Variants in MBTPS2 observed in about 807,000 individuals in gnomAD.
The protein encoded by MBTPS2 is membrane-bound transcription factor site-2 protease.
A neutral mutation model predicts 35.4 loss-of-function variants in MBTPS2; 2 were observed. The ratio of observed to expected loss-of-function variants is 0.06; its 90% confidence interval spans 0.02 to 0.18. The LOEUF (loss-of-function observed/expected upper bound fraction) is 0.18. Among genes scored for constraint, MBTPS2 ranks in the 10% least tolerant of loss-of-function variants. The pLI is 1.00. For missense variants in MBTPS2, 244 were observed against 386.5 expected (o/e 0.63, Z 3.09); for synonymous variants, 125 against 140.4 (o/e 0.89, Z 0.77).
At position 21,853,435 on chromosome X, in the gene MBTPS2, T is replaced by C; in HGVS notation, c.602T>C (p.Phe201Ser). Residue 201 changes from phenylalanine (F) to serine (S), a missense_variant, in exon 5 of 11, where the codon TTT becomes TCT. Physicochemically the swap from Phe to Ser is radical, Grantham distance 155. Transcript: ENST00000379484. ...IFLFIIYPGA[F>S]VDLFTTHLQL... Reference sequence around the variant, plus strand: ...CTCTTCATTATTTATCCTGGAGCATTTGTTGATCTGTTCACCACTCATTTG... The same window carrying C: ...CTCTTCATTATTTATCCTGGAGCATCTGTTGATCTGTTCACCACTCATTTG... The C allele has an allele frequency of 8.3e-7, 1 of 1,200,455 alleles. No individual in the cohort carries two copies. Among genetic ancestry groups the C allele is most frequent in the Non-Finnish European group, 1.1e-6 (1 of 885,368 alleles).
intron 7 of MBTPS2, among the ~76,000 whole-genome samples, chrX:21,876,646 G>C (rs991509042): frequency 9.1e-6 from 1 of 110,360 alleles, no homozygotes; most frequent in Non-Finnish European, 1.9e-5. Flanking sequence ...GCCTCTGTTT[G>C]GTTCTTTGCT....
At chrX:21,848,760 C>T (rs1030747701) in intron 3 of MBTPS2, among the ~76,000 whole-genome samples, 10 of 111,611 alleles carry the variant, frequency 9.0e-5, no homozygotes, top group Non-Finnish European at 1.9e-4. Context: ...AGAGAAAGGA[C>T]ACTTGGAATT....
In MBTPS2 at chrX:21,873,687, G is replaced by T. The variant is rs564461655; in HGVS notation, c.970+4009G>T. ...ACATTCCTGTTCAAAGGAGGTGAGGGTTTATGCCCTTACCTGCCTGGCAAC... is the reference window on the plus strand; with the variant it reads ...ACATTCCTGTTCAAAGGAGGTGAGGTTTTATGCCCTTACCTGCCTGGCAAC... On this transcript the variant is annotated intron_variant, in intron 7 of 10. Coordinates refer to ENST00000379484, the MANE Select transcript of MBTPS2 (RefSeq NM_015884.4). Among the ~76,000 whole-genome samples the T allele has an allele frequency of 1.4e-4, 15 of 110,172 alleles. No homozygotes were observed. In the South Asian group the frequency reaches 6.0e-3, roughly 44 times the overall value.
At chrX:21,877,171 A>G (rs547812745) in intron 7 of MBTPS2, among the ~76,000 whole-genome samples, 15 of 112,410 alleles carry the variant, frequency 1.3e-4, no homozygotes, top group African/African-American at 4.8e-4. Context: ...GCCAGGCGCA[A>G]TAGCTCACGC....
Position 21,881,525 on chromosome X carries a change from T to C in MBTPS2, c.1337+553T>C, listed in dbSNP as rs564306006. Among the ~76,000 whole-genome samples, 50 of 112,141 alleles carry C rather than the reference T, an allele frequency of 4.5e-4. 2 individuals are homozygous for C. Among genetic ancestry groups the C allele is most frequent in the East Asian group, 8.3e-4 (3 of 3,597 alleles). On this transcript the variant is annotated intron_variant, in intron 10 of 10. Coordinates refer to ENST00000379484, the MANE Select transcript of MBTPS2 (RefSeq NM_015884.4). ...TATGCAGAATTGAATTACTGGAAAA[T>C]TGTGGAAGAGTTCTTTATTTTTGTC...
Position 21,845,059 on chromosome X carries a change from G to A in MBTPS2, c.225-112G>A, listed in dbSNP as rs1217950068. ...TGTAGGAAAAAGAAGCAGAGTTACTGAAATTTTTTAGCCATTATTTTAAAG... is the reference window on the plus strand; with the variant it reads ...TGTAGGAAAAAGAAGCAGAGTTACTAAAATTTTTTAGCCATTATTTTAAAG... On this transcript the variant is annotated intron_variant, in intron 2 of 10. Coordinates refer to ENST00000379484, the MANE Select transcript of MBTPS2 (RefSeq NM_015884.4). 3 of 1,145,817 alleles carry A rather than the reference G, an allele frequency of 2.6e-6. No individual in the cohort carries two copies. In the East Asian group the frequency reaches 9.1e-5, roughly 35 times the overall value. The allele number at this position is 1,145,817 out of a possible 1,213,427, so 94.4% of individuals were successfully genotyped here.
At chrX:21,843,348 G>A (rs1480688453) in intron 2 of MBTPS2, 30 bp downstream of exon 2, 2 of 1,179,628 alleles carry the variant, frequency 1.7e-6, no homozygotes, top group Non-Finnish European at 2.3e-6. Flanking sequence ...GTTTGGTTTA[G>A]GTTAATCATT....
At chrX:21,848,534 G>C (rs1364547756) in intron 3 of MBTPS2, among the ~76,000 whole-genome samples, 1 of 109,733 alleles carries the variant, frequency 9.1e-6, no homozygotes, top group Non-Finnish European at 1.9e-5. Context: ...ATAAAAATTA[G>C]CCGGGCGTGG....
intron 4 of MBTPS2, among the ~76,000 whole-genome samples, chrX:21,852,017 T>C (rs2092915321): frequency 8.9e-6 from 1 of 112,229 alleles, no homozygotes; most frequent in Non-Finnish European, 1.9e-5. Context: ...TTCCTGCTTC[T>C]GCTTATGTCC....
Position 21,843,207 on chromosome X carries a change from T to G in MBTPS2, c.113T>G (p.Leu38Arg). 1 of 1,210,703 alleles carries G rather than the reference T, an allele frequency of 8.3e-7. No homozygotes were observed. The highest frequency in any genetic ancestry group is 1.1e-6 in the Non-Finnish European group (1 of 894,299). The change falls in exon 2 of 11, where the codon CTG becomes CGG. Residue 38 changes from leucine (L) to arginine (R), a missense_variant. Transcript: ENST00000379484. ...VYFKHSYEDW[L>R]ENNGLSISPF... ...TTTAAACATTCTTATGAAGACTGGC[T>G]GGAAAACAACGGACTGAGCATCTCC...
At chrX:21,857,684 ATGT>A in intron 5 of MBTPS2, 2 of 1,000,784 alleles carry the variant, frequency 2.0e-6, no homozygotes, top group Non-Finnish European at 2.7e-6. Context: ...AAAGCTTTGT[ATGT>A]TGTTTCTAAG....
At chrX:21,857,577 C>G in intron 5 of MBTPS2, 1 of 1,206,073 alleles carries the variant, frequency 8.3e-7, no homozygotes, top group Non-Finnish European at 1.1e-6. Context: ...CATATTAACG[C>G]ATGTGAAGAC....
chrX:21,874,001 G>GTATA (rs3054229), intron 7 of MBTPS2, among the ~76,000 whole-genome samples: 49 of 60,839 alleles, frequency 8.1e-4, no homozygotes, highest in South Asian at 4.2e-3. Flanking sequence ...GTGTGTGTGT[G>GTATA]TATATATATA....
rs2092960820 is a variant in MBTPS2, at chrX:21,882,755, T to A, written c.*100T>A. On this transcript the variant is annotated 3_prime_UTR_variant, in exon 11 of 11. Transcript: ENST00000379484. ...CTTACTTGGTATGAAATATAAAGTG[T>A]TTCCTTAAAATTACATCTTAGCCAA... 3 of 1,170,562 alleles carry A rather than the reference T, an allele frequency of 2.6e-6. No homozygotes were observed. Among genetic ancestry groups the A allele is most frequent in the Non-Finnish European group, 3.4e-6 (3 of 871,837 alleles).
rs747052652 is a variant in MBTPS2 at position 21,851,658 on chromosome X, TTTTCA to T, written c.542+50_542+54del. ...CTTTGTACTACATGCAAAAAAAAGC[TTTTCA>T]TTTAGGAGGATTTATTACTAAAATC... On this transcript the variant is annotated intron_variant, in intron 4 of 10. Coordinates refer to ENST00000379484, the MANE Select transcript of MBTPS2 (RefSeq NM_015884.4). 6 of 887,071 alleles carry T rather than the reference TTTTCA, an allele frequency of 6.8e-6. No individual in the cohort carries two copies. The African/African-American group carries it at 9.9e-5, about 15-fold the overall frequency. The allele number at this position is 887,071 out of a possible 1,213,427, so 73.1% of individuals were successfully genotyped here. A position where few individuals can be genotyped will look rare whatever the true frequency, so the allele number is the denominator to read the frequency against.
intron 3 of MBTPS2, 94 bp from the exon 4 acceptor site, chrX:21,851,415 T>C (rs2092914521): frequency 1.7e-6 from 1 of 575,322 alleles, no homozygotes; most frequent in African/African-American, 2.2e-5. Flanking sequence ...AGCTTGAAGG[T>C]TTAATACAGA....
intron 5 of MBTPS2, among the ~76,000 whole-genome samples, chrX:21,867,634 T>C (rs1456124303): frequency 2.6e-5 from 1 of 38,697 alleles, no homozygotes. Context: ...GGTTTTCTCT[T>C]TTTTTTTTTT....
Position 21,885,370 on chromosome X carries a change from G to A in MBTPS2, c.*2715G>A. 8.0e-6 allele frequency: 6 copies of A among 748,562 alleles called. No homozygotes were observed. The highest frequency in any genetic ancestry group is 6.8e-5 in the South Asian group (1 of 14,699). 61.7% of individuals were successfully genotyped at this position (748,562 alleles called of 1,213,427 possible). ...TTAACTTGAAGGTATCGTAATTGCC[G>A]GCATTTGATGTTTAGCAATAAAAGA... is the stretch of plus-strand genomic sequence containing the variant. On this transcript the variant is annotated 3_prime_UTR_variant, in exon 11 of 11. Transcript: ENST00000379484.
Position 21,882,618 on chromosome X carries a change from A to G in MBTPS2, c.1523A>G (p.Asn508Ser), listed in dbSNP as rs587776867. The change falls in exon 11 of 11, where the codon AAT (asparagine) becomes AGT (serine). Residue 508 changes from asparagine (N) to serine (S), a missense_variant. Coordinates refer to ENST00000379484, the MANE Select transcript of MBTPS2 (RefSeq NM_015884.4). Reference protein sequence around the residue: ...LLGGSVLLAANVTLGLWMVTA... With the variant: ...LLGGSVLLAASVTLGLWMVTA... ...GGTGGCAGTGTACTTTTGGCTGCCA[A>G]TGTGACCCTGGGACTCTGGATGGTT... 8.3e-7 allele frequency: 1 copy of G among 1,211,835 alleles called. No homozygotes were observed. Among genetic ancestry groups the G allele is most frequent in the African/African-American group, 1.7e-5 (1 of 57,895 alleles).
Sources: allele counts gnomAD v4.1 joint callset (sites outside exome capture counted in the v4.1 genomes callset), GRCh38; gene constraint gnomAD v4.1.1; transcripts MANE v1.5; gene names NCBI Gene and HGNC (gene_info 2026-07-23, HGNC 2026-07-21).